Variants in ZNF106 observed in about 807,000 individuals in gnomAD.
ZNF106 encodes zinc finger protein 106, also known as SH3-domain binding protein 3.
In ZNF106, 67 loss-of-function variants were observed where a neutral mutation model predicts 195.1. The observed-to-expected ratio is 0.34, with a 90% confidence interval of 0.28 to 0.42. The LOEUF (loss-of-function observed/expected upper bound fraction) is 0.42. Ranked by LOEUF, ZNF106 falls within the 10% of genes least tolerant of loss-of-function variation. The pLI, the probability that ZNF106 is intolerant of heterozygous loss-of-function variation, is 1.00. For synonymous variants in ZNF106, 784 were observed against 818.6 expected (o/e 0.96, Z 0.72); for missense variants, 2,118 against 2,304.5 (o/e 0.92, Z 1.66).
Position 42,451,329 on chromosome 15 carries a change from C to G in ZNF106, c.943G>C (p.Ala315Pro). 6.2e-7 allele frequency: 1 copy of G among 1,613,944 alleles called. No individual in the cohort carries two copies. Among genetic ancestry groups the G allele is most frequent in the Non-Finnish European group, 8.5e-7 (1 of 1,179,846 alleles). The change falls in exon 5 of 22, where the codon GCC (alanine) becomes CCC (proline). Residue 315 changes from alanine (A) to proline (P), a missense_variant. By Grantham distance (27) the Ala-to-Pro change is conservative. Transcript: ENST00000564754. ...RQENDKLGTV[A>P]TYRGPSEGFT... Reference sequence around the variant, plus strand: ...CCTTCAGAAGGACCTCTATATGTGGCAACTGTACCAAGTTTGTCATTTTCT... The same window carrying G: ...CCTTCAGAAGGACCTCTATATGTGGGAACTGTACCAAGTTTGTCATTTTCT...
chr15:42,450,696 T>C lies in ZNF106; in HGVS notation c.1576A>G (p.Ile526Val), dbSNP rs2055980572. 6.2e-7 allele frequency: 1 copy of C among 1,614,208 alleles called. No individual in the cohort carries two copies. The highest frequency in any genetic ancestry group is 8.5e-7 in the Non-Finnish European group (1 of 1,180,032). Reference protein sequence around the residue: ...PTVEDNHGPYISKLRSSCPHV... With the variant: ...PTVEDNHGPYVSKLRSSCPHV... ...GGACATGAACTACGCAGTTTGGATA[T>C]GTAAGGACCATGGTTATCTTCCACA... is the stretch of plus-strand genomic sequence containing the variant. Residue 526 changes from isoleucine to valine, a missense_variant, in exon 5 of 22, where the codon ATA (isoleucine) becomes GTA (valine). By Grantham distance (29) the Ile-to-Val change is conservative. Coordinates refer to ENST00000564754, the MANE Select transcript of ZNF106 (RefSeq NM_001366845.3).
intron 3 of ZNF106, among the ~76,000 whole-genome samples, chr15:42,462,641 G>A (rs910908494): frequency 1.3e-5 from 2 of 152,068 alleles, no homozygotes; most frequent in East Asian, 1.9e-4. Flanking sequence ...CATAGAAAGA[G>A]GTCTGGATAG....
chr15:42,446,406 C>A (rs1284024700), intron 7 of ZNF106, among the ~76,000 whole-genome samples, 183 bp downstream of exon 7: 2 of 152,042 alleles, frequency 1.3e-5, no homozygotes, highest in Non-Finnish European at 2.9e-5. Flanking sequence ...TATAGCTAGA[C>A]CCTGTCTCTA....
chr15:42,424,098 G>T, intron 16 of ZNF106, 38 bp from the exon 17 acceptor site: 1 of 1,566,514 alleles, frequency 6.4e-7, no homozygotes, highest in Non-Finnish European at 8.7e-7. Flanking sequence ...TTCTGTATAC[G>T]GTTCTTAATT....
Position 42,435,259 on chromosome 15 carries a change from A to G in ZNF106, c.4881+125T>C, listed in dbSNP as rs2055229467. 26 of 1,350,492 alleles carry G rather than the reference A, an allele frequency of 1.9e-5. No homozygotes were observed. The South Asian group carries it at 3.4e-4, about 18-fold the overall frequency. The allele number at this position is 1,350,492 out of a possible 1,614,324, so 83.7% of individuals were successfully genotyped here. ...CTAGGGCTACAACAATGTGCTAAACATTGTTTAGAAGCAAAAAGGAGATGG... is the reference window on the plus strand; with the variant it reads ...CTAGGGCTACAACAATGTGCTAAACGTTGTTTAGAAGCAAAAAGGAGATGG... On this transcript the variant is annotated intron_variant, in intron 14 of 21. Transcript: ENST00000564754.
At chr15:42,449,244 AG>A (rs1188848268) in intron 5 of ZNF106, among the ~76,000 whole-genome samples, 1 of 152,222 alleles carries the variant, frequency 6.6e-6, no homozygotes, top group Non-Finnish European at 1.5e-5. Context: ...AGAAAAGTCT[AG>A]TACCTCAACA....
chr15:42,424,165 T>C, intron 16 of ZNF106, 105 bp from the exon 17 acceptor site: 1 of 929,324 alleles, frequency 1.1e-6, no homozygotes, highest in Admixed American at 3.0e-5. Flanking sequence ...TATTTTGAGA[T>C]GAGCACGATG....
chr15:42,450,160 GTCA>G lies in ZNF106; in HGVS notation c.2109_2111del (p.Asp704del). The G allele has an allele frequency of 6.2e-7, 1 of 1,614,168 alleles. No homozygotes were observed. Among genetic ancestry groups the G allele is most frequent in the Non-Finnish European group, 8.5e-7 (1 of 1,180,030 alleles). On this transcript the variant is annotated inframe_deletion, in exon 5 of 22. Transcript: ENST00000564754. ...CATAAGATACATGAGATTTAATAGAGTCATCAACCTGTGCATCTTCTAGAGAGG... is the reference window on the plus strand; with the variant it reads ...CATAAGATACATGAGATTTAATAGAGTCAACCTGTGCATCTTCTAGAGAGG...
At chr15:42,447,634 C>T (rs1029128045) in intron 6 of ZNF106, among the ~76,000 whole-genome samples, 7 of 152,222 alleles carry the variant, frequency 4.6e-5, no homozygotes, top group Admixed American at 2.0e-4. Context: ...TATATATGCA[C>T]TCTAATAGTA....
chr15:42,424,284 G>T, intron 16 of ZNF106: 1 of 502,792 alleles, frequency 2.0e-6, no homozygotes, highest in South Asian at 3.1e-5. Flanking sequence ...TACCTTTCCA[G>T]AATGATTATG....
chr15:42,448,443 T>A lies in ZNF106; in HGVS notation c.2764A>T (p.Arg922Trp). Residue 922 changes from arginine to tryptophan, a missense_variant, in exon 6 of 22, where the codon AGG becomes TGG. Arg to Trp is a moderately radical substitution (Grantham distance 101). Coordinates refer to ENST00000564754, the MANE Select transcript of ZNF106 (RefSeq NM_001366845.3). The part of the protein sequence containing the change: ...QQMVSPSNSL[R>W]AGQSQKATMH... The stretch of plus-strand genomic sequence containing the variant: ...GTTGCTTTCTGGCTCTGTCCAGCCC[T>A]CAATGAGTTACTAGGTGAAACCATC... 1 of 1,614,170 alleles carries A rather than the reference T, an allele frequency of 6.2e-7. No homozygotes were observed. Among genetic ancestry groups the A allele is most frequent in the Non-Finnish European group, 8.5e-7 (1 of 1,180,024 alleles).
intron 1 of ZNF106, among the ~76,000 whole-genome samples, chr15:42,475,843 G>GA (rs1465650708): frequency 1.3e-5 from 2 of 152,124 alleles, no homozygotes; most frequent in Non-Finnish European, 2.9e-5. Flanking sequence ...ACAGGAACAA[G>GA]AAACTTAGAA....
At chr15:42,417,663 C>T in intron 21 of ZNF106, 142 bp downstream of exon 21, 1 of 986,360 alleles carries the variant, frequency 1.0e-6, no homozygotes, top group Non-Finnish European at 1.4e-6. Flanking sequence ...ATTAAGCTAC[C>T]CCCCAAATCT....
chr15:42,458,583 C>T (rs766097245), intron 3 of ZNF106, among the ~76,000 whole-genome samples: 4 of 151,894 alleles, frequency 2.6e-5, no homozygotes, highest in Non-Finnish European at 5.9e-5. Flanking sequence ...TGGTGTGCAC[C>T]TGTATTCCCA....
rs902534144 is a variant in ZNF106 at position 42,442,253 on chromosome 15, T to C, written c.3583A>G (p.Thr1195Ala). 3.1e-6 allele frequency: 5 copies of C among 1,613,906 alleles called. No homozygotes were observed. In the African/African-American group the frequency reaches 5.3e-5, roughly 17 times the overall value. The change falls in exon 10 of 22, where the codon ACC (threonine) becomes GCC (alanine). Residue 1195 changes from threonine to alanine, a missense_variant. Physicochemically the swap from Thr to Ala is moderately conservative, Grantham distance 58 (BLOSUM62 0). Transcript: ENST00000564754. ...PPSSHVSPSP[T>A]GASLQITTSP... ...GTGGTTATTTGAAGAGAGGCTCCGG[T>C]GGGTGATGGAGACACATGGGAAGAT...
intron 1 of ZNF106, among the ~76,000 whole-genome samples, chr15:42,484,171 T>A (rs1318722468): frequency 6.6e-6 from 1 of 152,240 alleles, no homozygotes; most frequent in African/African-American, 2.4e-5. Flanking sequence ...CATACAATTT[T>A]TTCTTTAAAG....
intron 14 of ZNF106, 130 bp from the exon 15 acceptor site, chr15:42,428,264 G>C: frequency 1.5e-6 from 1 of 649,446 alleles, no homozygotes; most frequent in East Asian, 2.9e-5. Context: ...CTATTTTGTA[G>C]GGGACTATCT....
At chr15:42,464,606 C>T (rs920748621) in intron 3 of ZNF106, among the ~76,000 whole-genome samples, 3 of 146,440 alleles carry the variant, frequency 2.0e-5, no homozygotes, top group African/African-American at 7.7e-5. Context: ...TGGCTCACTG[C>T]AACCTCCACC....
intron 3 of ZNF106, chr15:42,457,550 C>A (rs973397638): frequency 1.9e-6 from 2 of 1,051,026 alleles, no homozygotes; most frequent in Non-Finnish European, 1.1e-6. Flanking sequence ...CTGGTGACAG[C>A]GCTTACATTT....
Sources: allele counts gnomAD v4.1 joint callset (sites outside exome capture counted in the v4.1 genomes callset), GRCh38; gene constraint gnomAD v4.1.1; transcripts MANE v1.5; gene names NCBI Gene and HGNC (gene_info 2026-07-23, HGNC 2026-07-21).